CCDC85C: variants seen among roughly 807,000 people sequenced by gnomAD.
CCDC85C encodes the protein coiled-coil domain-containing protein 85C.
In CCDC85C, 18 loss-of-function variants were observed where a neutral mutation model predicts 38.3. The ratio of observed to expected loss-of-function variants is 0.47; its 90% confidence interval spans 0.33 to 0.70. The LOEUF (loss-of-function observed/expected upper bound fraction) is 0.70, where lower values mean the gene tolerates loss of function less well. Ranked by LOEUF, CCDC85C falls within the 30% of genes least tolerant of loss-of-function variation. The pLI is 0.03. For missense variants in CCDC85C, 566 were observed against 621.2 expected (o/e 0.91, Z 0.94); for synonymous variants, 264 against 293.8 (o/e 0.90, Z 1.04).
chr14:99,565,818 G>T (rs114104150), intron 1 of CCDC85C, among the ~76,000 whole-genome samples: 1 of 152,200 alleles, frequency 6.6e-6, no homozygotes, highest in Non-Finnish European at 1.5e-5. Flanking sequence ...ACACAAATGG[G>T]TTTCCAGAAG....
chr14:99,538,626 G>A (rs7140906), intron 1 of CCDC85C, among the ~76,000 whole-genome samples: 70,555 of 152,114 alleles, frequency 0.46, 16,738 homozygotes, highest in Admixed American at 0.58. Flanking sequence ...CAGGGTGAGC[G>A]AGGAGCTCCC....
chr14:99,503,945 G>A lies in CCDC85C; in HGVS notation c.*11301C>T, dbSNP rs1896906817. 2.5e-6 allele frequency: 1 copy of A among 399,360 alleles called. No individual in the cohort carries two copies. The highest frequency in any genetic ancestry group is 4.6e-6 in the Non-Finnish European group (1 of 217,156). 24.7% of individuals were successfully genotyped at this position (399,360 alleles called of 1,614,324 possible). On this transcript the variant is annotated 3_prime_UTR_variant, in exon 6 of 6. Transcript: ENST00000380243. Reference sequence around the variant, plus strand: ...CTGTTGCTGCAATTTTATTTTTAGAGACTATTTACCCCCATCACAGCAGCA... The same window carrying A: ...CTGTTGCTGCAATTTTATTTTTAGAAACTATTTACCCCCATCACAGCAGCA...
chr14:99,557,200 G>A (rs1354906246), intron 1 of CCDC85C, among the ~76,000 whole-genome samples: 1 of 152,222 alleles, frequency 6.6e-6, no homozygotes, highest in Non-Finnish European at 1.5e-5. Flanking sequence ...CAGAGATGAA[G>A]AGACTCATCT....
chr14:99,537,354 G>C (rs1046439357), intron 1 of CCDC85C, among the ~76,000 whole-genome samples: 6 of 152,084 alleles, frequency 3.9e-5, no homozygotes, highest in Admixed American at 2.6e-4. Flanking sequence ...TAACATGCCT[G>C]GGGGGACAGG....
At chr14:99,555,851 C>T (rs1392737370) in intron 1 of CCDC85C, among the ~76,000 whole-genome samples, 1 of 152,224 alleles carries the variant, frequency 6.6e-6, no homozygotes, top group African/African-American at 2.4e-5. Context: ...GGGACCCTCC[C>T]AAACCACGTA....
At position 99,578,055 on chromosome 14, in the gene CCDC85C, G is replaced by GTGTGTTTT. The variant is rs1422351888; in HGVS notation, c.793+25111_793+25112insAAAACACA. On this transcript the variant is annotated intron_variant, in intron 1 of 5. Coordinates refer to ENST00000380243, the MANE Select transcript of CCDC85C (RefSeq NM_001144995.2). ...CATCCTATATCCCCCATCAGAGTGT[G>GTGTGTTTT]TGTGTGTGTACACATCTCCACACCC... 7.1e-4 allele frequency among the ~76,000 whole-genome samples: 102 copies of GTGTGTTTT among 144,006 alleles called. 2 individuals are homozygous for GTGTGTTTT. Among genetic ancestry groups the GTGTGTTTT allele is most frequent in the African/African-American group, 2.5e-3 (93 of 37,302 alleles). The allele number at this position is 144,006 out of a possible 152,430, so 94.5% of individuals were successfully genotyped here.
At chr14:99,542,330 C>A (rs1276465006) in intron 1 of CCDC85C, among the ~76,000 whole-genome samples, 2 of 152,330 alleles carry the variant, frequency 1.3e-5, no homozygotes, top group Non-Finnish European at 2.9e-5. Context: ...GGGCTCCAGG[C>A]TCTTAAGCCA....
intron 1 of CCDC85C, among the ~76,000 whole-genome samples, chr14:99,579,549 G>T (rs2054942466): frequency 2.0e-5 from 3 of 152,250 alleles, no homozygotes; most frequent in Admixed American, 1.3e-4. Context: ...CCCACTGACT[G>T]CCTCACTCCC....
intron 2 of CCDC85C, 79 bp from the exon 3 acceptor site, chr14:99,522,319 G>A: frequency 9.2e-7 from 1 of 1,082,008 alleles, no homozygotes. Flanking sequence ...GCTCCTCACG[G>A]CAGCAGGGGC....
At chr14:99,550,812 CGA>C (rs924862540) in intron 1 of CCDC85C, among the ~76,000 whole-genome samples, 31 of 152,180 alleles carry the variant, frequency 2.0e-4, no homozygotes, top group African/African-American at 7.2e-4. Flanking sequence ...CCCTCTGAGC[CGA>C]GATACCAGCA....
At position 99,569,901 on chromosome 14, in the gene CCDC85C, G is replaced by T. The variant is rs1357919829; in HGVS notation, c.793+33266C>A. Among the ~76,000 whole-genome samples the T allele has an allele frequency of 6.6e-6, 1 of 152,040 alleles. No individual in the cohort carries two copies. The highest frequency in any genetic ancestry group is 1.5e-5 in the Non-Finnish European group (1 of 67,988). ...AGCATGAGCCCAGGAGGTCAAGGCT[G>T]CAGTGAGCTATGATAGTGTCACTGC... is the stretch of plus-strand genomic sequence containing the variant. On this transcript the variant is annotated intron_variant, in intron 1 of 5. Transcript: ENST00000380243. The surrounding 1 kb of genome is among the most constrained non-coding windows in gnomAD (Gnocchi z 4.3).
At chr14:99,536,404 G>T (rs1283663642) in intron 1 of CCDC85C, among the ~76,000 whole-genome samples, 1 of 152,200 alleles carries the variant, frequency 6.6e-6, no homozygotes, top group East Asian at 1.9e-4. Context: ...TAGAAAGGTG[G>T]GGGGTGTGGG....
rs1897292561 is a variant in CCDC85C, at chr14:99,520,717, A to G, written c.975+1416T>C. 6.6e-6 allele frequency among the ~76,000 whole-genome samples: 1 copy of G among 152,098 alleles called. No homozygotes were observed. The highest frequency in any genetic ancestry group is 2.1e-4 in the South Asian group (1 of 4,826). On this transcript the variant is annotated intron_variant, in intron 3 of 5. Coordinates refer to ENST00000380243, the MANE Select transcript of CCDC85C (RefSeq NM_001144995.2). The surrounding 1 kb of genome is among the most constrained non-coding windows in gnomAD (Gnocchi z 4.1). ...CCACGCTGGCCCCTGACCTCTAGGC[A>G]CACACAGGCACCAGGACGCACTCAC...
In CCDC85C at chr14:99,502,050, T is replaced by G. The variant is rs368963004; in HGVS notation, c.*13196A>C. ...TTAAAGTAACTTAGTCGGGTACCTT[T>G]AGAAGAGTAAAGACTTGAGTTTATT... On this transcript the variant is annotated 3_prime_UTR_variant, in exon 6 of 6. Transcript: ENST00000380243. 5.1e-6 allele frequency: 4 copies of G among 777,232 alleles called. No homozygotes were observed. The highest frequency in any genetic ancestry group is 7.4e-6 in the Non-Finnish European group (4 of 541,232). The allele number at this position is 777,232 out of a possible 1,614,324, so 48.1% of individuals were successfully genotyped here.
intron 1 of CCDC85C, among the ~76,000 whole-genome samples, chr14:99,564,258 T>C (rs933562603): frequency 6.6e-6 from 1 of 152,186 alleles, no homozygotes; most frequent in Non-Finnish European, 1.5e-5. Context: ...TCCTTGCTGC[T>C]CTCTGGTCCT....
intron 2 of CCDC85C, among the ~76,000 whole-genome samples, chr14:99,528,389 G>A (rs958725580): frequency 1.1e-4 from 16 of 152,326 alleles, no homozygotes; most frequent in South Asian, 6.2e-4. Context: ...TTCCCACACC[G>A]AAGGCCAGGG....
chr14:99,517,300 A>T, intron 3 of CCDC85C, 117 bp from the exon 4 acceptor site: 4 of 793,262 alleles, frequency 5.0e-6, no homozygotes, highest in Non-Finnish European at 7.9e-6. Flanking sequence ...GGAAAAGGGG[A>T]CCGGGGTGAG....
At chr14:99,587,304 T>C (rs1305618789) in intron 1 of CCDC85C, among the ~76,000 whole-genome samples, 1 of 152,224 alleles carries the variant, frequency 6.6e-6, no homozygotes, top group East Asian at 1.9e-4. Context: ...CCCAACATCC[T>C]TGCAGGGCAA....
Position 99,513,503 on chromosome 14 carries a change from G to C in CCDC85C, c.*1743C>G, listed in dbSNP as rs1176989755. On this transcript the variant is annotated 3_prime_UTR_variant, in exon 6 of 6. Transcript: ENST00000380243. ...GGAGCGCCACACCATCCCATCACCA[G>C]CACCCACTTACCCCCCTGGGGCTAA... is the stretch of plus-strand genomic sequence containing the variant. 1 of 152,316 alleles carries C rather than the reference G, an allele frequency of 6.6e-6. No homozygotes were observed. The highest frequency in any genetic ancestry group is 1.9e-4 in the East Asian group (1 of 5,192). The allele number at this position is 152,316 out of a possible 1,614,324, so 9.4% of individuals were successfully genotyped here.
Sources: gnomAD v4.1 joint callset for allele counts (sites outside exome capture counted in the v4.1 genomes callset) on GRCh38, gnomAD v4.1.1 for gene constraint, Gnocchi (gnomAD v3.1) non-coding constraint, MANE v1.5 for transcripts, NCBI Gene and HGNC (gene_info 2026-07-23, HGNC 2026-07-21) for gene names.